The following JAKMIP1 variants were observed in gnomAD, a reference collection of about 807,000 sequenced individuals.
The protein encoded by JAKMIP1 is janus kinase and microtubule interacting protein 1.
A neutral mutation model predicts 113.0 loss-of-function variants in JAKMIP1; 33 were observed. The ratio of observed to expected loss-of-function variants is 0.29; its 90% CI spans 0.22 to 0.39. JAKMIP1 has a LOEUF of 0.39. Ranked by LOEUF, JAKMIP1 falls within the 10% of genes least tolerant of loss-of-function variation. The probability of loss-of-function intolerance (pLI) is 1.00; values close to 1 mark genes in which losing one functional copy is unlikely to be tolerated. For synonymous variants in JAKMIP1, 480 were observed against 459.9 expected (o/e 1.04, Z -0.56); for missense variants, 813 against 1,080.5 (o/e 0.75, Z 3.47).
rs1441363717 is a variant in JAKMIP1, at chr4:6,069,235, G to GC, written c.1303-4228dup. Among the ~76,000 whole-genome samples, 1 of 152,066 alleles carries GC rather than the reference G, an allele frequency of 6.6e-6. No homozygotes were observed. Among genetic ancestry groups the GC allele is most frequent in the African/African-American group, 2.4e-5 (1 of 41,400 alleles). ...CACACAGTGGGCTTTAAAAAAAATGGCAAACATGAAAGAAACTTCATTTTT... is the reference window on the plus strand; with the variant it reads ...CACACAGTGGGCTTTAAAAAAAATGGCCAAACATGAAAGAAACTTCATTTTT... On this transcript the variant is annotated intron_variant, in intron 8 of 20. Transcript: ENST00000409021. This position sits in a 1 kb window ranked among gnomAD's most constrained non-coding sequence, Gnocchi z 4.5.
At chr4:6,104,003 G>A (rs986497902) in intron 3 of JAKMIP1, among the ~76,000 whole-genome samples, 4 of 152,066 alleles carry the variant, frequency 2.6e-5, no homozygotes, top group African/African-American at 9.7e-5. Context: ...TCTACTCTCT[G>A]GAGTTTAATT....
chr4:6,075,636 A>C (rs570416576), intron 8 of JAKMIP1, among the ~76,000 whole-genome samples: 1 of 152,390 alleles, frequency 6.6e-6, no homozygotes, highest in South Asian at 2.1e-4. Flanking sequence ...GTGACCACAC[A>C]TCACCGTTCT....
Position 6,075,577 on chromosome 4 carries a change from C to A in JAKMIP1, c.1302+3362G>T, listed in dbSNP as rs1201731847. Among the ~76,000 whole-genome samples, 4 of 152,344 alleles carry A rather than the reference C, an allele frequency of 2.6e-5. No homozygotes were observed. The East Asian group carries it at 7.7e-4, about 29-fold the overall frequency. On this transcript the variant is annotated intron_variant, in intron 8 of 20. Coordinates refer to ENST00000409021, the MANE Select transcript of JAKMIP1 (RefSeq NM_001099433.2). The stretch of plus-strand genomic sequence containing the variant: ...AAACCCATTCAGGAAAGTTTCTACA[C>A]AGATCCCCAAATTCGGCCTCCTAAT...
rs1212478538 is a variant in JAKMIP1, at chr4:6,190,695, G to A, written c.-148+9558C>T. Reference sequence around the variant, plus strand: ...AATAAGGATGACAGTGTTAGCTGACGCCTGCAAATCTCAGGACAAAGTTGC... The same window carrying A: ...AATAAGGATGACAGTGTTAGCTGACACCTGCAAATCTCAGGACAAAGTTGC... On this transcript the variant is annotated intron_variant, in intron 1 of 20. Transcript: ENST00000409021. 3.9e-5 allele frequency among the ~76,000 whole-genome samples: 6 copies of A among 152,196 alleles called. No homozygotes were observed. In the East Asian group the frequency reaches 9.6e-4, roughly 24 times the overall value.
intron 3 of JAKMIP1, 35 bp downstream of exon 3, chr4:6,105,438 G>A: frequency 1.3e-6 from 2 of 1,542,300 alleles, no homozygotes; most frequent in Non-Finnish European, 8.7e-7. Flanking sequence ...AGGGAAGGCC[G>A]CGTGCCCGCG....
Position 6,158,208 on chromosome 4 carries a change from G to A in JAKMIP1, c.-148+42045C>T, listed in dbSNP as rs1019216781. Among the ~76,000 whole-genome samples the A allele has an allele frequency of 2.6e-5, 4 of 152,186 alleles. No homozygotes were observed. Among genetic ancestry groups the A allele is most frequent in the African/African-American group, 9.6e-5 (4 of 41,458 alleles). ...CCATGCTGTAGGTCATGCAGTGCAC[G>A]CTCCATACATCCCAACTTTGCCCTG... On this transcript the variant is annotated intron_variant, in intron 1 of 20. Transcript: ENST00000409021. This position sits in a 1 kb window ranked among gnomAD's most constrained non-coding sequence, Gnocchi z 5.3.
rs1340492027 is a variant in JAKMIP1 at position 6,178,723 on chromosome 4, T to G, written c.-148+21530A>C. ...TCTTTATAAATTCCCGTCACAGGTA[T>G]GTCTTTATTAGCAATGTGAGGACAG... On this transcript the variant is annotated intron_variant, in intron 1 of 20. Coordinates refer to ENST00000409021, the MANE Select transcript of JAKMIP1 (RefSeq NM_001099433.2). The surrounding 1 kb of genome is among the most constrained non-coding windows in gnomAD (Gnocchi z 5.5). Among the ~76,000 whole-genome samples, 1 of 152,228 alleles carries G rather than the reference T, an allele frequency of 6.6e-6. No homozygotes were observed. Among genetic ancestry groups the G allele is most frequent in the East Asian group, 1.9e-4 (1 of 5,204 alleles).
intron 18 of JAKMIP1, among the ~76,000 whole-genome samples, chr4:6,038,303 C>T (rs993618772): frequency 4.3e-4 from 58 of 134,788 alleles, no homozygotes; most frequent in African/African-American, 1.1e-3. Flanking sequence ...CCTCCATCAC[C>T]GAGGCAGAGG....
Position 6,181,238 on chromosome 4 carries a change from G to A in JAKMIP1, c.-148+19015C>T, listed in dbSNP as rs77704640. Among the ~76,000 whole-genome samples the A allele has an allele frequency of 7.4e-4, 112 of 152,332 alleles. 1 individual carries two copies. In the East Asian group the frequency reaches 0.021, roughly 29 times the overall value. On this transcript the variant is annotated intron_variant, in intron 1 of 20. Transcript: ENST00000409021. The surrounding 1 kb of genome is among the most constrained non-coding windows in gnomAD (Gnocchi z 5.4). ...TTTGTGAGATGTGCTGGTGGACGCA[G>A]TTCACATTTCTTAGGCTTCCTCTCA...
chr4:6,131,415 T>C (rs1718507676), intron 1 of JAKMIP1, among the ~76,000 whole-genome samples: 1 of 148,462 alleles, frequency 6.7e-6, no homozygotes, highest in African/African-American at 2.5e-5. Flanking sequence ...ATATGCAAAC[T>C]GCAGAAAAGT....
intron 20 of JAKMIP1, among the ~76,000 whole-genome samples, chr4:6,027,501 C>A (rs1712010870): frequency 6.6e-6 from 1 of 152,116 alleles, no homozygotes. Flanking sequence ...GACCAAGGGG[C>A]CAGGGATAGT....
chr4:6,151,055 C>T (rs998741546), intron 1 of JAKMIP1, among the ~76,000 whole-genome samples: 3 of 152,168 alleles, frequency 2.0e-5, no homozygotes, highest in African/African-American at 4.8e-5. Flanking sequence ...GCCATACCTT[C>T]CCCAGTCTCC....
At position 6,031,211 on chromosome 4, in the gene JAKMIP1, T is replaced by A. The variant is rs10014782; in HGVS notation, c.2380-1430A>T. On this transcript the variant is annotated intron_variant, in intron 19 of 20. Transcript: ENST00000409021. The surrounding 1 kb of genome is among the most constrained non-coding windows in gnomAD (Gnocchi z 4.4). Reference sequence around the variant, plus strand: ...ACTTTTGGAGGCCGAGGCAGGTGGATCACCGGAGGTCAGGAGTTCAAGACC... The same window carrying A: ...ACTTTTGGAGGCCGAGGCAGGTGGAACACCGGAGGTCAGGAGTTCAAGACC... 0.24 allele frequency among the ~76,000 whole-genome samples: 36,504 copies of A among 151,978 alleles called. 5,393 individuals are homozygous for A. The highest frequency in any genetic ancestry group is 0.32 in the Non-Finnish European group (21,655 of 67,966).
chr4:6,098,582 G>GAAAGAAAGAAAA (rs1350611417), intron 3 of JAKMIP1, among the ~76,000 whole-genome samples: 1 of 132,274 alleles, frequency 7.6e-6, no homozygotes. Context: ...AAGAAAGAAA[G>GAAAGAAAGAAAA]AAGGAAAGGA....
At position 6,059,190 on chromosome 4, in the gene JAKMIP1, C is replaced by G. The variant is rs781688969; in HGVS notation, c.1644+1234G>C. Among the ~76,000 whole-genome samples the G allele has an allele frequency of 1.5e-4, 23 of 152,188 alleles. No homozygotes were observed. Among genetic ancestry groups the G allele is most frequent in the Non-Finnish European group, 2.6e-4 (18 of 68,040 alleles). ...AGTTTAGAGAAGCCATTCCAGAGGG[C>G]TGGGCACTCACATTCCCCCACGCAG... On this transcript the variant is annotated intron_variant, in intron 11 of 20. Coordinates refer to ENST00000409021, the MANE Select transcript of JAKMIP1 (RefSeq NM_001099433.2). This position sits in a 1 kb window ranked among gnomAD's most constrained non-coding sequence, Gnocchi z 4.8.
At chr4:6,037,829 A>G (rs1347626903) in intron 18 of JAKMIP1, among the ~76,000 whole-genome samples, 1 of 150,590 alleles carries the variant, frequency 6.6e-6, no homozygotes, top group Admixed American at 6.6e-5. Flanking sequence ...GTAGCCCTCC[A>G]TCACCGAGGC....
At position 6,038,448 on chromosome 4, in the gene JAKMIP1, G is replaced by A. The variant is rs367968644; in HGVS notation, c.2175+2191C>T. On this transcript the variant is annotated intron_variant, in intron 18 of 20. Coordinates refer to ENST00000409021, the MANE Select transcript of JAKMIP1 (RefSeq NM_001099433.2). ...AGTAGCCCTCCATCACCGAGGCAGA[G>A]GCTAACCGGTATCCCTCCATCACTG... Among the ~76,000 whole-genome samples, 21 of 146,294 alleles carry A rather than the reference G, an allele frequency of 1.4e-4. No individual in the cohort carries two copies. In the East Asian group the frequency reaches 3.1e-3, roughly 22 times the overall value.
At position 6,199,184 on chromosome 4, in the gene JAKMIP1, G is replaced by A. The variant is rs545125857; in HGVS notation, c.-148+1069C>T. ...TGTGCCTGCGAGTGTGCGCAGATGGGGCGGGCGGCGGAGGAGGGCTGGCGG... is the reference window on the plus strand; with the variant it reads ...TGTGCCTGCGAGTGTGCGCAGATGGAGCGGGCGGCGGAGGAGGGCTGGCGG... On this transcript the variant is annotated intron_variant, in intron 1 of 20. Coordinates refer to ENST00000409021, the MANE Select transcript of JAKMIP1 (RefSeq NM_001099433.2). This position sits in a 1 kb window ranked among gnomAD's most constrained non-coding sequence, Gnocchi z 5.6. Among the ~76,000 whole-genome samples, 22 of 152,388 alleles carry A rather than the reference G, an allele frequency of 1.4e-4. No homozygotes were observed. In the South Asian group the frequency reaches 3.5e-3, roughly 24 times the overall value.
intron 19 of JAKMIP1, among the ~76,000 whole-genome samples, chr4:6,033,600 G>C (rs1282553321): frequency 6.6e-6 from 1 of 152,200 alleles, no homozygotes; most frequent in African/African-American, 2.4e-5. Flanking sequence ...GAGGCTCACG[G>C]AGGTGAACTA....
Sources: gnomAD v4.1 joint callset for allele counts (sites outside exome capture counted in the v4.1 genomes callset) on GRCh38, gnomAD v4.1.1 for gene constraint, Gnocchi (gnomAD v3.1) non-coding constraint, MANE v1.5 for transcripts, NCBI Gene and HGNC (gene_info 2026-07-23, HGNC 2026-07-21) for gene names.